The following LRP1B variants were observed in gnomAD, a reference collection of about 807,000 sequenced individuals.
The protein encoded by LRP1B is low-density lipoprotein receptor-related protein 1B.
A neutral mutation model predicts 556.6 loss-of-function variants in LRP1B; 217 were observed. The ratio of observed to expected loss-of-function variants is 0.39; its 90% CI spans 0.35 to 0.44. The LOEUF (loss-of-function observed/expected upper bound fraction) is 0.44. Ranked by LOEUF, LRP1B falls within the 20% of genes least tolerant of loss-of-function variation. The pLI, the probability that LRP1B is intolerant of heterozygous loss-of-function variation, is 1.00. For missense variants in LRP1B, 5,053 were observed against 5,620.8 expected (o/e 0.90, Z 3.23); for synonymous variants, 2,047 against 1,865.8 (o/e 1.10, Z -2.50).
rs1019884348 is a variant in LRP1B, at chr2:141,421,402, G to A, written c.343+58994C>T. Among the ~76,000 whole-genome samples the A allele has an allele frequency of 1.6e-3, 239 of 150,624 alleles. 2 individuals are homozygous for A. The highest frequency in any genetic ancestry group is 0.015 in the Admixed American group (221 of 15,152). ...AAATTAGCCGGGCGTAGTGGCGGGC[G>A]CCTGTAGTCCCAGCTACTTGGGAGG... On this transcript the variant is annotated intron_variant, in intron 3 of 90. Coordinates refer to ENST00000389484, the MANE Select transcript of LRP1B (RefSeq NM_018557.3).
At chr2:141,871,189 T>C (rs887441150) in intron 1 of LRP1B, among the ~76,000 whole-genome samples, 2 of 152,030 alleles carry the variant, frequency 1.3e-5, no homozygotes, top group African/African-American at 4.8e-5. Context: ...TGAGGTTTAC[T>C]GAACATGTGA....
intron 1 of LRP1B, among the ~76,000 whole-genome samples, chr2:142,109,780 A>G (rs1243508791): frequency 6.6e-6 from 1 of 152,178 alleles, no homozygotes; most frequent in Non-Finnish European, 1.5e-5. Flanking sequence ...TTGGTTTTCA[A>G]AAGACAAAAG....
At chr2:141,732,475 G>T (rs998201973) in intron 2 of LRP1B, among the ~76,000 whole-genome samples, 1 of 152,012 alleles carries the variant, frequency 6.6e-6, no homozygotes, top group African/African-American at 2.4e-5. Flanking sequence ...CAAAAGTCTG[G>T]TTTCACCAAC....
At chr2:141,991,096 A>G (rs546647374) in intron 1 of LRP1B, among the ~76,000 whole-genome samples, 45 of 152,174 alleles carry the variant, frequency 3.0e-4, no homozygotes, top group African/African-American at 1.1e-3. Context: ...TTTGTATTCA[A>G]TTAATATGGT....
At chr2:141,457,710 G>C (rs1474023102) in intron 3 of LRP1B, among the ~76,000 whole-genome samples, 3 of 152,188 alleles carry the variant, frequency 2.0e-5, no homozygotes, top group Non-Finnish European at 4.4e-5. Flanking sequence ...TGGATCTCAG[G>C]AGAGAAAGAA....
chr2:140,577,671 C>G (rs1177447319), intron 43 of LRP1B, among the ~76,000 whole-genome samples: 1 of 151,942 alleles, frequency 6.6e-6, no homozygotes, highest in Non-Finnish European at 1.5e-5. Context: ...TTTTCCCCAC[C>G]CCCCAGCCTC....
At chr2:141,428,831 A>G (rs181061325) in intron 3 of LRP1B, among the ~76,000 whole-genome samples, 53 of 152,328 alleles carry the variant, frequency 3.5e-4, no homozygotes, top group Non-Finnish European at 4.0e-4. Flanking sequence ...TCCAACCACA[A>G]CTTTTAATCA....
intron 60 of LRP1B, among the ~76,000 whole-genome samples, chr2:140,474,166 A>G (rs2105346338): frequency 6.6e-6 from 1 of 152,118 alleles, no homozygotes; most frequent in South Asian, 2.1e-4. Flanking sequence ...TTGTTTAAAC[A>G]TCAACTGACA....
At chr2:141,218,783 C>A (rs1280563097) in intron 6 of LRP1B, among the ~76,000 whole-genome samples, 2 of 152,086 alleles carry the variant, frequency 1.3e-5, no homozygotes, top group African/African-American at 4.8e-5. Context: ...AATAAAAAAA[C>A]AGAGGGGAGA....
chr2:141,201,934 T>A (rs1682040411), intron 6 of LRP1B, among the ~76,000 whole-genome samples: 1 of 152,192 alleles, frequency 6.6e-6, no homozygotes, highest in South Asian at 2.1e-4. Flanking sequence ...CATCCATGTT[T>A]CCATTGACAA....
At chr2:141,304,720 C>T (rs895460495) in intron 3 of LRP1B, among the ~76,000 whole-genome samples, 27 of 151,740 alleles carry the variant, frequency 1.8e-4, no homozygotes, top group African/African-American at 6.3e-4. Flanking sequence ...AGTCTGGTCT[C>T]GAACTCCTGA....
At chr2:140,270,407 C>T in intron 85 of LRP1B, 61 bp from the exon 86 acceptor site, 1 of 1,030,076 alleles carries the variant, frequency 9.7e-7, no homozygotes, top group Non-Finnish European at 1.5e-6. Context: ...TTGCTGAAAG[C>T]TGACATAAAC....
chr2:141,776,474 T>G (rs181925546), intron 2 of LRP1B, among the ~76,000 whole-genome samples: 1 of 152,232 alleles, frequency 6.6e-6, no homozygotes, highest in Non-Finnish European at 1.5e-5. Context: ...TGGATGTTAT[T>G]CCATGGCCTC....
At chr2:141,873,427 A>C (rs937889309) in intron 1 of LRP1B, among the ~76,000 whole-genome samples, 1 of 152,026 alleles carries the variant, frequency 6.6e-6, no homozygotes, top group Non-Finnish European at 1.5e-5. Flanking sequence ...ATGAGGTAAA[A>C]GCATTGCTTT....
At chr2:140,442,142 CA>C (rs3035577) in intron 66 of LRP1B, among the ~76,000 whole-genome samples, 73 of 147,372 alleles carry the variant, frequency 5.0e-4, no homozygotes, top group African/African-American at 1.1e-3. Flanking sequence ...GGGATTTAAG[CA>C]AAAAAAAAAT....
rs553575337 is a variant in LRP1B, at chr2:141,940,670, C to T, written c.83-130269G>A. Among the ~76,000 whole-genome samples the T allele has an allele frequency of 9.2e-5, 14 of 152,234 alleles. No homozygotes were observed. The South Asian group carries it at 2.9e-3, about 32-fold the overall frequency. On this transcript the variant is annotated intron_variant, in intron 1 of 90. Coordinates refer to ENST00000389484, the MANE Select transcript of LRP1B (RefSeq NM_018557.3). Reference sequence around the variant, plus strand: ...GTGTATTTTTCCCTAAATCCTTTTACTCTAGTGTAATAAAATACAAGTGTG... The same window carrying T: ...GTGTATTTTTCCCTAAATCCTTTTATTCTAGTGTAATAAAATACAAGTGTG...
chr2:140,577,230 A>T (rs1047264130), intron 43 of LRP1B, among the ~76,000 whole-genome samples: 4 of 152,000 alleles, frequency 2.6e-5, no homozygotes, highest in African/African-American at 9.7e-5. Flanking sequence ...CATGCCTGTA[A>T]TCCCAGCACT....
intron 2 of LRP1B, among the ~76,000 whole-genome samples, chr2:141,631,188 T>A (rs903584564): frequency 1.3e-5 from 2 of 152,056 alleles, no homozygotes; most frequent in African/African-American, 4.8e-5. Context: ...GAAAAGCCCC[T>A]TATAACCCCA....
At chr2:141,379,598 G>A (rs987122121) in intron 3 of LRP1B, among the ~76,000 whole-genome samples, 5 of 152,190 alleles carry the variant, frequency 3.3e-5, no homozygotes, top group South Asian at 2.1e-4. Context: ...CACATAATTG[G>A]GAAGTAACTG....
Sources: allele counts gnomAD v4.1 joint callset (sites outside exome capture counted in the v4.1 genomes callset), GRCh38; gene constraint gnomAD v4.1.1; transcripts MANE v1.5; gene names NCBI Gene and HGNC (gene_info 2026-07-23, HGNC 2026-07-21).